AMN1: variants seen among roughly 807,000 people sequenced by gnomAD.
AMN1 encodes antagonist of mitotic exit network 1 homolog.
AMN1 carries 20 observed loss-of-function variants against 33.0 expected under a neutral mutation model. That is an observed-to-expected ratio of 0.61 (90% CI 0.43 to 0.88). The LOEUF is 0.88. AMN1 is among the 40% of genes least tolerant of loss of function. AMN1 has a pLI of 0.00. For missense variants in AMN1, 246 were observed against 307.4 expected (o/e 0.80, Z 1.49); for synonymous variants, 114 against 111.9 (o/e 1.02, Z -0.12).
intron 3 of AMN1, 68 bp downstream of exon 3, chr12:31,701,795 C>T: frequency 2.9e-6 from 4 of 1,359,242 alleles, no homozygotes; most frequent in Non-Finnish European, 3.9e-6. Context: ...GTATTTTCTC[C>T]CTTACTCCAC....
chr12:31,689,362 A>G (rs918714968), intron 5 of AMN1, among the ~76,000 whole-genome samples: 1 of 152,238 alleles, frequency 6.6e-6, no homozygotes, highest in Admixed American at 6.5e-5. Context: ...TATGCCCCAG[A>G]ACTCAGCAAT....
intron 3 of AMN1, among the ~76,000 whole-genome samples, chr12:31,698,974 G>A (rs1341942806): frequency 2.0e-5 from 3 of 152,078 alleles, no homozygotes; most frequent in African/African-American, 7.2e-5. Flanking sequence ...ATAGCCTAAG[G>A]TTGGGGCCTG....
chr12:31,706,173 G>A (rs1237517220), intron 2 of AMN1, among the ~76,000 whole-genome samples: 1 of 151,870 alleles, frequency 6.6e-6, no homozygotes, highest in Non-Finnish European at 1.5e-5. Context: ...TTAGCTGGGT[G>A]TGGTGGCGGG....
At position 31,701,883 on chromosome 12, in the gene AMN1, C is replaced by T. The variant is rs751464143; in HGVS notation, c.296G>A (p.Arg99Gln). 1.0e-5 allele frequency: 16 copies of T among 1,601,558 alleles called. No individual in the cohort carries two copies. The highest frequency in any genetic ancestry group is 1.4e-5 in the African/African-American group (1 of 73,956). ...KLNLNASKGN[R>Q]VSVTSEGIKA... Reference sequence around the variant, plus strand: ...CATACCTTCTGAAGTTACAGAAACTCGGTTCCCTTTTGAAGCATTTAAATT... The same window carrying T: ...CATACCTTCTGAAGTTACAGAAACTTGGTTCCCTTTTGAAGCATTTAAATT... Residue 99 changes from arginine to glutamine, a missense_variant, in exon 3 of 7, where the codon CGA (arginine) becomes CAA (glutamine). Arg to Gln is a conservative substitution (Grantham distance 43). Transcript: ENST00000281471.
intron 1 of AMN1, among the ~76,000 whole-genome samples, chr12:31,710,602 G>C (rs1411273934): frequency 6.6e-6 from 1 of 151,442 alleles, no homozygotes. Context: ...AGGCTTGTGT[G>C]GGGGAGGGGT....
chr12:31,700,258 G>A (rs1938935214), intron 3 of AMN1, among the ~76,000 whole-genome samples: 1 of 152,096 alleles, frequency 6.6e-6, no homozygotes, highest in Admixed American at 6.6e-5. Context: ...AGCTACTTGG[G>A]AGGCTGAGGT....
At chr12:31,680,048 G>A (rs546949428) in intron 6 of AMN1, among the ~76,000 whole-genome samples, 24 of 150,564 alleles carry the variant, frequency 1.6e-4, no homozygotes, top group African/African-American at 4.4e-4. Flanking sequence ...GCTTGCACCC[G>A]GGAGGTGGAG....
At chr12:31,697,692 A>G in intron 4 of AMN1, 48 bp downstream of exon 4, 1 of 1,562,084 alleles carries the variant, frequency 6.4e-7, no homozygotes, top group Non-Finnish European at 8.8e-7. Flanking sequence ...ATGAAAATAC[A>G]TTTGGTAAAC....
intron 1 of AMN1, among the ~76,000 whole-genome samples, chr12:31,720,263 G>A (rs775887614): frequency 2.0e-5 from 3 of 152,158 alleles, no homozygotes; most frequent in South Asian, 2.1e-4. Context: ...AGTCCCTGCC[G>A]GGTGTGGTGG....
intron 5 of AMN1, among the ~76,000 whole-genome samples, chr12:31,691,705 G>A (rs892786167): frequency 1.4e-4 from 22 of 151,840 alleles, no homozygotes; most frequent in African/African-American, 5.3e-4. Context: ...GTACATAATA[G>A]AAAAAGTATC....
At chr12:31,728,264 TG>T (rs770702747) in intron 1 of AMN1, among the ~76,000 whole-genome samples, 1 of 152,254 alleles carries the variant, frequency 6.6e-6, no homozygotes, top group East Asian at 1.9e-4. Flanking sequence ...CAATTGCCCT[TG>T]TAACTTCCAT....
intron 1 of AMN1, chr12:31,714,555 T>A (rs747807081): frequency 1.3e-5 from 2 of 152,284 alleles, no homozygotes; most frequent in African/African-American, 2.4e-5. Flanking sequence ...CTTGAACTCC[T>A]GGGCTGAAGT....
chr12:31,697,788 T>C lies in AMN1; in HGVS notation c.486A>G (p.Leu162=), dbSNP rs752707764. ...LSITDVSLHA[L]GKNCPFLQCV... ...ACTGCAAAAATGGGCAGTTTTTTCC[T>C]AATGCATGTAAGGACACATCAGTAA... The change falls in exon 4 of 7, where the codon TTA becomes TTG. Residue 162 remains leucine (L), a synonymous_variant. Transcript: ENST00000281471. 2.5e-6 allele frequency: 4 copies of C among 1,613,910 alleles called. No individual in the cohort carries two copies. The African/African-American group carries it at 5.3e-5, about 22-fold the overall frequency.
At position 31,675,021 on chromosome 12, in the gene AMN1, C is replaced by CAA. The variant is rs61067188; in HGVS notation, c.704-2646_704-2645dup. ...TGGGCAACACAGCAAGACCCAGTGTCAAAAAAAAAAAAAAAGAAACACCAG... is the reference window on the plus strand; with the variant it reads ...TGGGCAACACAGCAAGACCCAGTGTCAAAAAAAAAAAAAAAAAGAAACACCAG... On this transcript the variant is annotated intron_variant, in intron 6 of 6. Coordinates refer to ENST00000281471, the MANE Select transcript of AMN1 (RefSeq NM_001113402.2). 7.2e-4 allele frequency among the ~76,000 whole-genome samples: 94 copies of CAA among 129,872 alleles called. No homozygotes were observed. The South Asian group carries it at 7.9e-3, about 11-fold the overall frequency. 85.2% of individuals were successfully genotyped at this position (129,872 alleles called of 152,430 possible). A position where few individuals can be genotyped will look rare whatever the true frequency, so the allele number is the denominator to read the frequency against.
At chr12:31,690,289 G>A (rs1198402011) in intron 5 of AMN1, among the ~76,000 whole-genome samples, 1 of 152,168 alleles carries the variant, frequency 6.6e-6, no homozygotes, top group Non-Finnish European at 1.5e-5. Context: ...GGGATTGCTG[G>A]ATCAAATGGT....
At chr12:31,717,198 T>C (rs1939711160) in intron 1 of AMN1, among the ~76,000 whole-genome samples, 1 of 152,080 alleles carries the variant, frequency 6.6e-6, no homozygotes, top group South Asian at 2.1e-4. Context: ...ACATGCGGTG[T>C]TTGGTTTTCT....
chr12:31,704,245 A>AT, intron 2 of AMN1, among the ~76,000 whole-genome samples: 1 of 152,220 alleles, frequency 6.6e-6, no homozygotes, highest in Middle Eastern at 3.4e-3. Flanking sequence ...GGGTTTTGGG[A>AT]TTTTTTTAAA....
chr12:31,726,039 A>G (rs967362073), intron 1 of AMN1, among the ~76,000 whole-genome samples: 1 of 151,924 alleles, frequency 6.6e-6, no homozygotes, highest in East Asian at 1.9e-4. Flanking sequence ...TTATATTCTA[A>G]CTGCCTGCTT....
At chr12:31,714,794 G>A in intron 1 of AMN1, 1 of 382,196 alleles carries the variant, frequency 2.6e-6, no homozygotes, top group Non-Finnish European at 3.6e-6. Context: ...CAGAGACTTT[G>A]CAGTAATGTG....
Sources: allele counts gnomAD v4.1 joint callset (sites outside exome capture counted in the v4.1 genomes callset), GRCh38; gene constraint gnomAD v4.1.1; transcripts MANE v1.5; gene names NCBI Gene and HGNC (gene_info 2026-07-23, HGNC 2026-07-21).